Variants in MATK observed in about 807,000 individuals in gnomAD.
MATK encodes the protein megakaryocyte-associated tyrosine-protein kinase.
Under a neutral mutation model 59.8 loss-of-function variants are expected in MATK, and 41 were observed. The observed-to-expected ratio is 0.69, with a 90% CI of 0.53 to 0.89. MATK has a LOEUF of 0.89. MATK is among the 40% of genes least tolerant of loss of function. The pLI, the probability that MATK is intolerant of heterozygous loss-of-function variation, is 0.00. For synonymous variants in MATK, 308 were observed against 306.1 expected (o/e 1.01, Z -0.06); for missense variants, 593 against 719.6 (o/e 0.82, Z 2.01).
intron 1 of MATK, among the ~76,000 whole-genome samples, chr19:3,791,435 C>A (rs770045333): frequency 6.6e-6 from 1 of 151,802 alleles, no homozygotes; most frequent in Admixed American, 6.6e-5. Context: ...CTCTGCCTCC[C>A]GGGTTTAAGT....
intron 7 of MATK, among the ~76,000 whole-genome samples, chr19:3,782,348 G>C (rs1217615719): frequency 1.3e-5 from 2 of 152,196 alleles, no homozygotes; most frequent in Admixed American, 6.5e-5. Context: ...CCAGGGTGAT[G>C]CTAGTCTCCA....
intron 1 of MATK, among the ~76,000 whole-genome samples, chr19:3,795,123 G>A (rs540669591): frequency 4.1e-4 from 62 of 150,784 alleles, no homozygotes; most frequent in Non-Finnish European, 7.5e-4. Flanking sequence ...GACTACAGGC[G>A]CCCGCCACCA....
rs375783304 is a variant in MATK, at chr19:3,779,556, T to C, written c.904A>G (p.Ile302Val). 3 of 1,611,762 alleles carry C rather than the reference T, an allele frequency of 1.9e-6. No homozygotes were observed. Among genetic ancestry groups the C allele is most frequent in the Non-Finnish European group, 1.7e-6 (2 of 1,179,434 alleles). The part of the protein sequence containing the change: ...LGVILHQGLY[I>V]VMEHVSKGNL... ...ACCTTGCTCACGTGCTCCATGACAA[T>C]GTACAGCCCCTGGTGCAGGATCACG... Residue 302 changes from isoleucine to valine, a missense_variant, in exon 10 of 14, where the codon ATT becomes GTT. By Grantham distance (29) the Ile-to-Val change is conservative (BLOSUM62 3). Transcript: ENST00000310132.
intron 1 of MATK, among the ~76,000 whole-genome samples, chr19:3,796,504 C>T (rs1465407252): frequency 6.6e-6 from 1 of 152,106 alleles, no homozygotes; most frequent in African/African-American, 2.4e-5. Context: ...ATATTATTGA[C>T]AGTGGAGCAA....
At chr19:3,795,589 A>G (rs970720920) in intron 1 of MATK, among the ~76,000 whole-genome samples, 1 of 151,420 alleles carries the variant, frequency 6.6e-6, no homozygotes, top group African/African-American at 2.4e-5. Flanking sequence ...TTCATATGTC[A>G]TATAATATTG....
At chr19:3,784,511 G>A (rs976859760) in intron 3 of MATK, 60 bp from the exon 4 acceptor site, 238 of 1,195,068 alleles carry the variant, frequency 2.0e-4, no homozygotes, top group Non-Finnish European at 2.6e-4. Flanking sequence ...GGGGAGCAGA[G>A]GCACGGGAGG....
At chr19:3,784,947 T>G (rs1309682625) in intron 2 of MATK, 63 bp from the exon 3 acceptor site, 3 of 1,428,236 alleles carry the variant, frequency 2.1e-6, no homozygotes, top group South Asian at 1.2e-5. Context: ...TTCCTACCAC[T>G]TCCAGCCCAG....
rs751041370 is a variant in MATK, at chr19:3,785,113, A to C, written c.23T>G (p.Val8Gly). MAGRGSL[V>G]SWRAFHGCDS... ...ACAGCCGTGAAATGCCCGCCAGGAA[A>C]CCAGAGAGCCTCGCCCCGCCATCGC... The change falls in exon 2 of 14, where the codon GTT becomes GGT. Residue 8 changes from valine to glycine, a missense_variant. Physicochemically the swap from Val to Gly is moderately radical, Grantham distance 109 (BLOSUM62 -3). Transcript: ENST00000310132. The C allele has an allele frequency of 6.4e-5, 103 of 1,613,956 alleles. No homozygotes were observed. The highest frequency in any genetic ancestry group is 7.5e-5 in the Non-Finnish European group (88 of 1,179,986).
chr19:3,797,919 A>G (rs1184976121), intron 1 of MATK, among the ~76,000 whole-genome samples: 7 of 151,988 alleles, frequency 4.6e-5, no homozygotes, highest in Admixed American at 4.6e-4. Context: ...GCTCATGCCT[A>G]TAATCCCAGC....
At chr19:3,791,008 G>A (rs760468238), upstream of MATK, among the ~76,000 whole-genome samples, 23 of 152,142 alleles carry the variant, frequency 1.5e-4, no homozygotes, top group Non-Finnish European at 2.9e-4. Context: ...GACTGGTTCC[G>A]TATCCTTAGA....
rs1413117191 is a variant in MATK at position 3,784,459 on chromosome 19, G to C, written c.133-8C>G. On this transcript the variant is annotated splice_region_variant and splice_polypyrimidine_tract_variant and intron_variant, in intron 3 of 13. Transcript: ENST00000310132. Reference sequence around the variant, plus strand: ...GCCCGGGGCCCAGCGCCTCTGCAGAGGGGGCCGGGAGAGGGGCAAAGGGAG... The same window carrying C: ...GCCCGGGGCCCAGCGCCTCTGCAGACGGGGCCGGGAGAGGGGCAAAGGGAG... 1 of 1,582,450 alleles carries C rather than the reference G, an allele frequency of 6.3e-7. No individual in the cohort carries two copies. Among genetic ancestry groups the C allele is most frequent in the Non-Finnish European group, 8.6e-7 (1 of 1,167,450 alleles).
chr19:3,789,136 G>A (rs1484009718), upstream of MATK: 13 of 573,162 alleles, frequency 2.3e-5, no homozygotes, highest in Non-Finnish European at 3.8e-5. Context: ...GAAAGGGCTG[G>A]GGACGCTGCA....
Position 3,779,760 on chromosome 19 carries a change from G to T in MATK, c.780C>A (p.Ala260=). Residue 260 remains alanine, a synonymous_variant, in exon 9 of 14, where the codon GCC becomes GCA. Transcript: ENST00000310132. ...TCACATCACACTTGATATTCTTCAC[G>T]GCCACCTTTTGCCCCAGGTACTCAC... ...LQGEYLGQKV[A]VKNIKCDVTA... The T allele has an allele frequency of 6.8e-6, 11 of 1,613,044 alleles. No homozygotes were observed. Among genetic ancestry groups the T allele is most frequent in the Non-Finnish European group, 7.6e-6 (9 of 1,179,970 alleles).
Position 3,786,257 on chromosome 19 carries a change from C to A in MATK, c.-240G>T. 2 of 985,270 alleles carry A rather than the reference C, an allele frequency of 2.0e-6. No individual in the cohort carries two copies. The highest frequency in any genetic ancestry group is 2.4e-6 in the Non-Finnish European group (2 of 829,878). The allele number at this position is 985,270 out of a possible 1,614,324, so 61.0% of individuals were successfully genotyped here. A position where few individuals can be genotyped will look rare whatever the true frequency, so the allele number is the denominator to read the frequency against. ...GCTGCACACCCCGAGGCGGTCCCGGCTGCACAACTTGGAGCGAGTTGCTCC... is the reference window on the plus strand; with the variant it reads ...GCTGCACACCCCGAGGCGGTCCCGGATGCACAACTTGGAGCGAGTTGCTCC... On this transcript the variant is annotated 5_prime_UTR_variant, in exon 1 of 14. Transcript: ENST00000310132. This position sits in a 1 kb window ranked among gnomAD's most constrained non-coding sequence, Gnocchi z 4.1.
chr19:3,789,782 T>C (rs111264556), upstream of MATK, among the ~76,000 whole-genome samples: 72,134 of 146,080 alleles, frequency 0.49, 19,269 homozygotes, highest in South Asian at 0.67. Flanking sequence ...TAGAGTGCAG[T>C]GGCCTGATCT....
At chr19:3,784,534 G>A (rs1299634625) in intron 3 of MATK, 83 bp from the exon 4 acceptor site, 2 of 950,640 alleles carry the variant, frequency 2.1e-6, no homozygotes, top group Non-Finnish European at 3.2e-6. Flanking sequence ...AAAGAGGACA[G>A]GAGGGAGAAA....
intron 3 of MATK, 97 bp downstream of exon 3, chr19:3,784,728 G>C (rs988299290): frequency 1.2e-6 from 1 of 832,550 alleles, no homozygotes; most frequent in Non-Finnish European, 2.0e-6. Context: ...AAGGGGGTAG[G>C]GGGCAGAGAG....
chr19:3,790,879 T>A (rs2037534710), upstream of MATK, among the ~76,000 whole-genome samples: 1 of 152,072 alleles, frequency 6.6e-6, no homozygotes, highest in Non-Finnish European at 1.5e-5. Flanking sequence ...GTGATAGGTG[T>A]GAGCCTGGCC....
At chr19:3,783,278 G>T in intron 6 of MATK, 59 bp from the exon 7 acceptor site, 1 of 1,066,568 alleles carries the variant, frequency 9.4e-7, no homozygotes, top group Non-Finnish European at 1.4e-6. Flanking sequence ...CCAGCATCCT[G>T]TTCCGTTCCC....
Sources: gnomAD v4.1 joint callset for allele counts (sites outside exome capture counted in the v4.1 genomes callset) on GRCh38, gnomAD v4.1.1 for gene constraint, Gnocchi (gnomAD v3.1) non-coding constraint, MANE v1.5 for transcripts, NCBI Gene and HGNC (gene_info 2026-07-23, HGNC 2026-07-21) for gene names.